INTS1: variants seen among roughly 807,000 people sequenced by gnomAD.
INTS1 encodes the protein integrator complex subunit 1.
In INTS1, 137 loss-of-function variants were observed where a neutral mutation model predicts 241.6. That is an observed-to-expected ratio of 0.57 (90% confidence interval 0.49 to 0.65). INTS1 has a LOEUF of 0.65. INTS1 is among the 30% of genes least tolerant of loss of function. INTS1 has a pLI of 0.00. For synonymous variants in INTS1, 1,692 were observed against 1,337.8 expected, an observed-to-expected ratio of 1.26 and a Z score of -5.78; for missense variants, 3,073 against 3,032.2, an observed-to-expected ratio of 1.01 and a Z score of -0.32.
In INTS1 at chr7:1,499,643, G is replaced by A. The variant is rs1383133510; in HGVS notation, c.685-11C>T. The A allele has an allele frequency of 5.7e-6, 9 of 1,589,056 alleles. No homozygotes were observed. Among genetic ancestry groups the A allele is most frequent in the South Asian group, 1.1e-5 (1 of 89,792 alleles). ...GTCCTCGATGTACACCTGTGTGGCA[G>A]CCACACCCTCAGCCCCGAGCCCAGC... On this transcript the variant is annotated splice_polypyrimidine_tract_variant and intron_variant, in intron 5 of 47. Coordinates refer to ENST00000404767, the MANE Select transcript of INTS1 (RefSeq NM_001080453.3).
At chr7:1,502,528 T>C (rs144114797) in intron 3 of INTS1, among the ~76,000 whole-genome samples, 5 of 151,876 alleles carry the variant, frequency 3.3e-5, no homozygotes, top group African/African-American at 1.2e-4. Context: ...TCCGCTCAGG[T>C]TGAGAGAGGA....
In INTS1 at chr7:1,477,821, C is replaced by G; in HGVS notation, c.4746G>C (p.Val1582=). The change falls in exon 34 of 48, where the codon GTG becomes GTC. Residue 1582 remains valine, a synonymous_variant. Transcript: ENST00000404767. ...CCTCCTGCAGCAGCAGGGAGCTCACCACCACAACGGGCTTACAGGCTGGAA... is the reference window on the plus strand; with the variant it reads ...CCTCCTGCAGCAGCAGGGAGCTCACGACCACAACGGGCTTACAGGCTGGAA... ...SPFPACKPVV[V]VSSLLLQEEE... 6.2e-7 allele frequency: 1 copy of G among 1,612,606 alleles called. No individual in the cohort carries two copies. The highest frequency in any genetic ancestry group is 8.5e-7 in the Non-Finnish European group (1 of 1,179,842).
intron 13 of INTS1, among the ~76,000 whole-genome samples, chr7:1,495,101 CTGCCGGGCTGGACA>C (rs1347403602): frequency 1.7e-5 from 2 of 115,546 alleles, no homozygotes; most frequent in South Asian, 2.9e-4. Flanking sequence ...CCGAACGGGG[CTGCCGGGCTGGACA>C]GCCCTTTACA....
intron 16 of INTS1, 130 bp from the exon 17 acceptor site, chr7:1,489,812 T>A: frequency 1.6e-6 from 1 of 633,064 alleles, no homozygotes; most frequent in Non-Finnish European, 2.7e-6. Context: ...TGCCCTCCAG[T>A]GACACCTGTC....
rs769502036 is a variant in INTS1, at chr7:1,481,976, C to T, written c.3704-488G>A. 1.6e-4 allele frequency among the ~76,000 whole-genome samples: 25 copies of T among 152,186 alleles called. No homozygotes were observed. The highest frequency in any genetic ancestry group is 2.6e-4 in the Admixed American group (4 of 15,288). ...ACGCAGGCTGCTGTGACTATCTTCT[C>T]TCAGTGCTCAGGGCGCTCTTGCCCC... On this transcript the variant is annotated intron_variant, in intron 27 of 47. Transcript: ENST00000404767. The surrounding 1 kb of genome is among the most constrained non-coding windows in gnomAD (Gnocchi z 6.8).
intron 26 of INTS1, 69 bp downstream of exon 26, chr7:1,483,673 G>C (rs371564134): frequency 8.2e-7 from 1 of 1,212,474 alleles, no homozygotes; most frequent in African/African-American, 1.5e-5. Flanking sequence ...TGCGGAAGCC[G>C]CTGGGTGTGG....
At chr7:1,474,898 C>G (rs1781639874) in intron 39 of INTS1, 60 bp from the exon 40 acceptor site, 1 of 1,524,082 alleles carries the variant, frequency 6.6e-7, no homozygotes, top group Non-Finnish European at 8.8e-7. Context: ...CCCACCCACA[C>G]TCAGCCTGGC....
chr7:1,494,560 G>T, intron 14 of INTS1: 1 of 564,780 alleles, frequency 1.8e-6, no homozygotes. Flanking sequence ...GGAAGGCGGG[G>T]GTCCGGGGGA....
In INTS1 at chr7:1,497,924, C is replaced by T. The variant is rs547020365; in HGVS notation, c.1425+488G>A. Among the ~76,000 whole-genome samples, 2 of 152,188 alleles carry T rather than the reference C, an allele frequency of 1.3e-5. No homozygotes were observed. The highest frequency in any genetic ancestry group is 2.4e-5 in the African/African-American group (1 of 41,450). ...ACCGAGGGACCCAATGCACAGGAGG[C>T]GGGTCTGGGCCAGGCACAGGGGCTC... On this transcript the variant is annotated intron_variant, in intron 10 of 47. Coordinates refer to ENST00000404767, the MANE Select transcript of INTS1 (RefSeq NM_001080453.3). The surrounding 1 kb of genome is among the most constrained non-coding windows in gnomAD (Gnocchi z 5.3).
At position 1,484,190 on chromosome 7, in the gene INTS1, G is replaced by C. The variant is rs1384698926; in HGVS notation, c.3262-20C>G. 6.3e-7 allele frequency: 1 copy of C among 1,595,288 alleles called. No individual in the cohort carries two copies. Among genetic ancestry groups the C allele is most frequent in the East Asian group, 2.2e-5 (1 of 44,450 alleles). ...CACGTCCTGGTGTGTGGACAGGGGG[G>C]CGTCAGAGGCTCCGAGACAGCTCTG... On this transcript the variant is annotated intron_variant, in intron 24 of 47. Coordinates refer to ENST00000404767, the MANE Select transcript of INTS1 (RefSeq NM_001080453.3).
At position 1,486,333 on chromosome 7, in the gene INTS1, G is replaced by A. The variant is rs142281589; in HGVS notation, c.2976+292C>T. ...GGCTGGAGTACAGTGGCACAATCTT[G>A]GCTCACCTCAACCTCCGCCTCCTAG... is the stretch of plus-strand genomic sequence containing the variant. On this transcript the variant is annotated intron_variant, in intron 22 of 47. Transcript: ENST00000404767. Among the ~76,000 whole-genome samples, 343 of 150,540 alleles carry A rather than the reference G, an allele frequency of 2.3e-3. 1 individual carries two copies. Among genetic ancestry groups the A allele is most frequent in the African/African-American group, 8.0e-3 (328 of 41,048 alleles).
At chr7:1,470,772 A>T in intron 47 of INTS1, 74 bp downstream of exon 47, 1 of 1,470,474 alleles carries the variant, frequency 6.8e-7, no homozygotes, top group Non-Finnish European at 9.2e-7. Flanking sequence ...GACTCCCAAG[A>T]GCCAGCCCTC....
At chr7:1,496,742 A>C (rs1782881026) in intron 11 of INTS1, among the ~76,000 whole-genome samples, 1 of 152,158 alleles carries the variant, frequency 6.6e-6, no homozygotes. Context: ...AGTTGGCTGC[A>C]GGGACCTGGC....
At position 1,477,748 on chromosome 7, in the gene INTS1, C is replaced by A. The variant is rs777311430; in HGVS notation, c.4814+5G>T. ...ACCCTGGCCGTGTGCAGCACCCCAG[C>A]TCACCTGCCACCGTCCGCACCCGGC... On this transcript the variant is annotated splice_donor_5th_base_variant and intron_variant, in intron 34 of 47. Transcript: ENST00000404767. The A allele has an allele frequency of 1.9e-6, 3 of 1,611,790 alleles. No homozygotes were observed. The highest frequency in any genetic ancestry group is 2.5e-6 in the Non-Finnish European group (3 of 1,179,546).
chr7:1,480,386 G>T lies in INTS1; in HGVS notation c.4005C>A (p.Gly1335=). The T allele has an allele frequency of 6.2e-7, 1 of 1,612,946 alleles. No homozygotes were observed. Among genetic ancestry groups the T allele is most frequent in the South Asian group, 1.1e-5 (1 of 90,978 alleles). The part of the protein sequence containing the change: ...KSSPEQPIGQ[G]RIRVGTQLRV... Reference sequence around the variant, plus strand: ...GGAGCTGGGTCCCCACCCGAATCCGGCCCTGGCCTATGGGCTGCTCTGGGC... The same window carrying T: ...GGAGCTGGGTCCCCACCCGAATCCGTCCCTGGCCTATGGGCTGCTCTGGGC... Residue 1335 remains glycine, a synonymous_variant, in exon 30 of 48, where the codon GGC becomes GGA. Coordinates refer to ENST00000404767, the MANE Select transcript of INTS1 (RefSeq NM_001080453.3).
At chr7:1,496,003 G>A (rs529718747) in intron 12 of INTS1, among the ~76,000 whole-genome samples, 153 bp downstream of exon 12, 19 of 152,278 alleles carry the variant, frequency 1.2e-4, no homozygotes, top group Non-Finnish European at 1.8e-4. Context: ...GAACGGGGAC[G>A]GCAGCTTCCA....
intron 3 of INTS1, 119 bp from the exon 4 acceptor site, chr7:1,500,485 A>G: frequency 8.8e-7 from 1 of 1,142,686 alleles, no homozygotes; most frequent in South Asian, 1.6e-5. Flanking sequence ...GCCAGGGACC[A>G]GCGATCCACC....
chr7:1,495,115 A>AGTGGCCGAGC (rs5881898), intron 13 of INTS1, among the ~76,000 whole-genome samples: 81,256 of 151,668 alleles, frequency 0.54, 23,513 homozygotes, highest in African/African-American at 0.77. Flanking sequence ...CGGGCTGGAC[A>AGTGGCCGAGC]GCCCTTTACA....
chr7:1,483,172 G>C (rs377592113), intron 26 of INTS1: 35 of 214,166 alleles, frequency 1.6e-4, no homozygotes, highest in African/African-American at 7.8e-4. Context: ...CCGAACCCCA[G>C]CATGAGGGTT....
Sources: allele counts gnomAD v4.1 joint callset (sites outside exome capture counted in the v4.1 genomes callset), GRCh38; gene constraint gnomAD v4.1.1; non-coding constraint Gnocchi (gnomAD v3.1); transcripts MANE v1.5; gene names NCBI Gene and HGNC (gene_info 2026-07-23, HGNC 2026-07-21).